Variants in ROBO2 observed in about 807,000 individuals in gnomAD.
ROBO2 encodes the protein roundabout homolog 2.
Under a neutral mutation model 160.8 loss-of-function variants are expected in ROBO2, and 53 were observed. That is an observed-to-expected ratio of 0.33 (90% confidence interval 0.26 to 0.41). ROBO2 has a LOEUF of 0.41. ROBO2 is among the 10% of genes least tolerant of loss of function. The pLI is 1.00. For synonymous variants in ROBO2, 664 were observed against 611.7 expected (o/e 1.09, Z -1.26); for missense variants, 1,577 against 1,722.4 (o/e 0.92, Z 1.49).
chr3:76,240,817 G>C (rs555984441), intron 2 of ROBO2, among the ~76,000 whole-genome samples: 170 of 152,240 alleles, frequency 1.1e-3, no homozygotes, highest in African/African-American at 3.7e-3. Context: ...TAAACACTGA[G>C]GGTTTTGGGC....
chr3:77,262,723 T>A (rs1326799380), intron 2 of ROBO2, among the ~76,000 whole-genome samples: 1 of 152,160 alleles, frequency 6.6e-6, no homozygotes, highest in Non-Finnish European at 1.5e-5. Context: ...TGGAAAGTCA[T>A]ACATATGTTA....
At position 76,746,196 on chromosome 3, in the gene ROBO2, C is replaced by G. The variant is rs959457514; in HGVS notation, c.110-351818C>G. Reference sequence around the variant, plus strand: ...TTTTATGGCTGCATAGTATTCCATGCTGTATATGTGCCACATTTTCTTAAT... The same window carrying G: ...TTTTATGGCTGCATAGTATTCCATGGTGTATATGTGCCACATTTTCTTAAT... On this transcript the variant is annotated intron_variant, in intron 2 of 26. Coordinates refer to the ROBO2 transcript ENST00000487694. 4.0e-5 allele frequency among the ~76,000 whole-genome samples: 6 copies of G among 151,816 alleles called. 1 individual carries two copies. The highest frequency in any genetic ancestry group is 8.8e-5 in the Non-Finnish European group (6 of 67,966).
chr3:77,038,059 T>C (rs1003679476), upstream of ROBO2, among the ~76,000 whole-genome samples: 3 of 152,210 alleles, frequency 2.0e-5, no homozygotes, highest in African/African-American at 7.2e-5. Context: ...TTAATTACTT[T>C]CCTTTTCCAG....
chr3:76,569,584 C>G (rs2084834409), intron 2 of ROBO2, among the ~76,000 whole-genome samples: 1 of 152,048 alleles, frequency 6.6e-6, no homozygotes, highest in Non-Finnish European at 1.5e-5. Context: ...TTGTTGAATA[C>G]TTGTGATTCA....
intron 2 of ROBO2, among the ~76,000 whole-genome samples, chr3:76,698,431 C>T (rs2092978545): frequency 6.6e-6 from 1 of 152,030 alleles, no homozygotes; most frequent in South Asian, 2.1e-4. Context: ...TGGGGGAGCC[C>T]TCATGTGTAG....
At chr3:76,233,225 A>T (rs2107479694) in intron 2 of ROBO2, among the ~76,000 whole-genome samples, 1 of 152,074 alleles carries the variant, frequency 6.6e-6, no homozygotes, top group Non-Finnish European at 1.5e-5. Flanking sequence ...ACTCACTGCA[A>T]ATTATGCCTC....
chr3:77,607,833 T>C, exon 21 of ROBO2: 1 of 1,613,840 alleles, frequency 6.2e-7, no homozygotes, highest in East Asian at 2.2e-5. Flanking sequence ...AAATAAAAAC[T>C]CTTCTAAACC....
At chr3:77,475,224 C>G (rs965202274) in intron 2 of ROBO2, among the ~76,000 whole-genome samples, 2 of 152,144 alleles carry the variant, frequency 1.3e-5, no homozygotes, top group African/African-American at 4.8e-5. Context: ...ATATCATTAT[C>G]TCACCCTACT....
chr3:76,795,971 C>T lies in ROBO2; in HGVS notation c.110-302043C>T, dbSNP rs890767411. On this transcript the variant is annotated intron_variant, in intron 2 of 26. Coordinates refer to the ROBO2 transcript ENST00000487694. ...AAACAACATTAATTTTTTTATACAT[C>T]TCCATCAGAACTCTTGAGTGACTAG... is the stretch of plus-strand genomic sequence containing the variant. Among the ~76,000 whole-genome samples, 4 of 152,088 alleles carry T rather than the reference C, an allele frequency of 2.6e-5. 1 individual carries two copies. Among genetic ancestry groups the T allele is most frequent in the Admixed American group, 2.6e-4 (4 of 15,244 alleles).
At chr3:77,538,777 C>A (rs1484967283) in intron 6 of ROBO2, 1 of 376,592 alleles carries the variant, frequency 2.7e-6, no homozygotes, top group East Asian at 7.6e-5. Context: ...AGAACCCAAA[C>A]TGAGTTGAAT....
At chr3:76,595,593 C>T (rs908757196) in intron 2 of ROBO2, among the ~76,000 whole-genome samples, 1 of 151,962 alleles carries the variant, frequency 6.6e-6, no homozygotes, top group Non-Finnish European at 1.5e-5. Context: ...TGAACGTGAT[C>T]TTTAAAAAAT....
chr3:76,986,277 A>T (rs769218976), intron 2 of ROBO2, among the ~76,000 whole-genome samples: 9 of 152,148 alleles, frequency 5.9e-5, no homozygotes, highest in Non-Finnish European at 1.2e-4. Context: ...ATTTATCTTT[A>T]GGGCTGTTTA....
rs2076994136 is a variant in ROBO2 at position 76,926,408 on chromosome 3, ATCAGTGAAT to A, written c.110-171605_110-171597del. On this transcript the variant is annotated intron_variant, in intron 2 of 26. Coordinates refer to the ROBO2 transcript ENST00000487694. Reference sequence around the variant, plus strand: ...GGAAGGAAGGTGCCATACTTGAGTTATCAGTGAATCCCTTTAGGTTCTTTTAGAGATTTT... The same window carrying A: ...GGAAGGAAGGTGCCATACTTGAGTTACCCTTTAGGTTCTTTTAGAGATTTT... 3.3e-5 allele frequency among the ~76,000 whole-genome samples: 5 copies of A among 152,334 alleles called. No individual in the cohort carries two copies. The South Asian group carries it at 1.0e-3, about 32-fold the overall frequency.
intron 3 of ROBO2, among the ~76,000 whole-genome samples, chr3:77,479,707 T>C (rs375019412): frequency 1.3e-5 from 2 of 152,250 alleles, no homozygotes; most frequent in South Asian, 2.1e-4. Flanking sequence ...TGTTTATGGA[T>C]TGGTAGTTTA....
In ROBO2 at chr3:77,100,639, T is replaced by C. The variant is rs989610985; in HGVS notation, c.388+2299T>C. On this transcript the variant is annotated intron_variant, in intron 2 of 25. Coordinates refer to ENST00000461745, the Ensembl canonical transcript of ROBO2. ...TTATTAATAGAAGGCGGATATCCAC[T>C]GAAAGAGGTGTTAAGGAATAGCAAT... Among the ~76,000 whole-genome samples, 6 of 152,064 alleles carry C rather than the reference T, an allele frequency of 3.9e-5. No homozygotes were observed. In the East Asian group the frequency reaches 1.2e-3, roughly 29 times the overall value.
chr3:77,110,907 T>C lies in ROBO2; in HGVS notation c.388+12567T>C, dbSNP rs181457167. 1.9e-4 allele frequency among the ~76,000 whole-genome samples: 29 copies of C among 152,214 alleles called. No individual in the cohort carries two copies. In the East Asian group the frequency reaches 5.0e-3, roughly 26 times the overall value. ...TGGGGTTTCACTCTCTTGCCCAGACTGGTCTCAAACTTTTGAGCTCAAGCT... is the reference window on the plus strand; with the variant it reads ...TGGGGTTTCACTCTCTTGCCCAGACCGGTCTCAAACTTTTGAGCTCAAGCT... On this transcript the variant is annotated intron_variant, in intron 2 of 25. Coordinates refer to ENST00000461745, the Ensembl canonical transcript of ROBO2.
At chr3:76,106,031 A>G (rs944611093) in intron 2 of ROBO2, among the ~76,000 whole-genome samples, 8 of 152,158 alleles carry the variant, frequency 5.3e-5, no homozygotes, top group South Asian at 2.1e-4. Context: ...TTAGAGGTTC[A>G]ATATTCTGTG....
intron 2 of ROBO2, among the ~76,000 whole-genome samples, chr3:76,328,721 G>A (rs1418919305): frequency 1.3e-5 from 2 of 151,910 alleles, no homozygotes; most frequent in East Asian, 3.9e-4. Context: ...TTAGCTGGGC[G>A]TGGTGGCGGC....
chr3:76,044,746 G>A (rs1439218351), intron 2 of ROBO2, among the ~76,000 whole-genome samples: 1 of 152,032 alleles, frequency 6.6e-6, no homozygotes, highest in Admixed American at 6.5e-5. Context: ...TCTGGGATAA[G>A]TGCCATGACT....
Sources: gnomAD v4.1 joint callset for allele counts (sites outside exome capture counted in the v4.1 genomes callset) on GRCh38, gnomAD v4.1.1 for gene constraint, MANE v1.5 for transcripts, NCBI Gene and HGNC (gene_info 2026-07-23, HGNC 2026-07-21) for gene names.